Variants in PTTG1IP2 observed in about 807,000 individuals in gnomAD.
PTTG1IP2 encodes PTTG1IP family member 2.
chr7:90,504,493 T>C (rs1393623747), intron 6 of PTTG1IP2, among the ~76,000 whole-genome samples: 1 of 152,192 alleles, frequency 6.6e-6, no homozygotes, highest in Non-Finnish European at 1.5e-5. Flanking sequence ...TTATAATCCC[T>C]GTCACAACTA....
intron 6 of PTTG1IP2, among the ~76,000 whole-genome samples, chr7:90,511,047 A>T (rs1798184217): frequency 6.6e-6 from 1 of 151,890 alleles, no homozygotes; most frequent in Non-Finnish European, 1.5e-5. Context: ...TCTCTGTGAC[A>T]ATACAAGCCC....
chr7:90,481,500 C>T (rs1797814838), intron 2 of PTTG1IP2, among the ~76,000 whole-genome samples: 1 of 152,112 alleles, frequency 6.6e-6, no homozygotes, highest in Non-Finnish European at 1.5e-5. Context: ...TAAAATTTCC[C>T]ACAGCAGCAA....
At chr7:90,491,483 C>T (rs540808342) in intron 4 of PTTG1IP2, among the ~76,000 whole-genome samples, 3 of 151,706 alleles carry the variant, frequency 2.0e-5, no homozygotes, top group South Asian at 2.1e-4. Flanking sequence ...CTTAGCTGGG[C>T]GTGGTGGCAC....
intron 6 of PTTG1IP2, among the ~76,000 whole-genome samples, chr7:90,511,074 G>A (rs1456085052): frequency 7.0e-6 from 1 of 142,564 alleles, no homozygotes; most frequent in East Asian, 2.2e-4. Flanking sequence ...GGCAAGGACA[G>A]TATTTTTTTT....
At chr7:90,508,164 G>T (rs1173028491) in intron 6 of PTTG1IP2, among the ~76,000 whole-genome samples, 1 of 151,694 alleles carries the variant, frequency 6.6e-6, no homozygotes, top group Non-Finnish European at 1.5e-5. Context: ...TGACTTGGGG[G>T]GCTGAGGTGC....
intron 2 of PTTG1IP2, among the ~76,000 whole-genome samples, chr7:90,483,240 C>T (rs1358565708): frequency 6.6e-6 from 1 of 152,150 alleles, no homozygotes; most frequent in Non-Finnish European, 1.5e-5. Context: ...GCATGATCCT[C>T]CTTTCAGGGT....
At chr7:90,510,485 A>G (rs1055345654) in intron 6 of PTTG1IP2, among the ~76,000 whole-genome samples, 3 of 152,262 alleles carry the variant, frequency 2.0e-5, no homozygotes, top group Middle Eastern at 3.4e-3. Context: ...GCCCTTTCCT[A>G]ATACGAGCTT....
At chr7:90,510,571 T>C (rs1221597611) in intron 6 of PTTG1IP2, among the ~76,000 whole-genome samples, 3 of 152,212 alleles carry the variant, frequency 2.0e-5, no homozygotes, top group East Asian at 1.9e-4. Context: ...CTTTAGTTGT[T>C]TGGGACTTTG....
Position 90,479,207 on chromosome 7 carries a change from CTT to C in PTTG1IP2, c.146-20_146-19del, listed in dbSNP as rs1797786447. 1 of 152,372 alleles carries C rather than the reference CTT, an allele frequency of 6.6e-6. No homozygotes were observed. The highest frequency in any genetic ancestry group is 1.5e-5 in the Non-Finnish European group (1 of 67,988). 9.4% of individuals were successfully genotyped at this position (152,372 alleles called of 1,614,324 possible). ...AAAAAGGATTTGGATTAATTTTGGA[CTT>C]AATTTTTTTTAATTGTAGAATGTGC... On this transcript the variant is annotated intron_variant, in intron 1 of 6. Transcript: ENST00000509356.
intron 1 of PTTG1IP2, among the ~76,000 whole-genome samples, chr7:90,477,027 G>A (rs919322607): frequency 2.0e-5 from 3 of 152,090 alleles, no homozygotes; most frequent in South Asian, 2.1e-4. Context: ...AGAGGATCAC[G>A]GATGGAACTT....
intron 6 of PTTG1IP2, among the ~76,000 whole-genome samples, chr7:90,494,785 G>A (rs984211663): frequency 6.6e-6 from 1 of 152,170 alleles, no homozygotes. Context: ...GGTAGGCCAA[G>A]GTGAGATCAC....
At chr7:90,502,734 A>C (rs1798073779) in intron 6 of PTTG1IP2, among the ~76,000 whole-genome samples, 1 of 152,208 alleles carries the variant, frequency 6.6e-6, no homozygotes, top group South Asian at 2.1e-4. Flanking sequence ...CAGTGGGCTT[A>C]ATATATTCAG....
intron 6 of PTTG1IP2, among the ~76,000 whole-genome samples, chr7:90,508,899 C>T (rs936088119): frequency 6.6e-6 from 1 of 152,178 alleles, no homozygotes; most frequent in Non-Finnish European, 1.5e-5. Flanking sequence ...CCGGGACCCT[C>T]AGCCTAGACA....
intron 1 of PTTG1IP2, chr7:90,470,216 C>G (rs772823579): frequency 6.6e-6 from 1 of 152,272 alleles, no homozygotes; most frequent in South Asian, 2.1e-4. Context: ...GACATATAAG[C>G]TTTTTGTTGT....
chr7:90,478,121 AAG>A (rs953738898), intron 1 of PTTG1IP2, among the ~76,000 whole-genome samples: 8 of 151,810 alleles, frequency 5.3e-5, no homozygotes, highest in Non-Finnish European at 2.9e-5. Flanking sequence ...AAAAAAGAAA[AAG>A]AAAAAATTGG....
At chr7:90,473,348 C>T (rs1187582061) in intron 1 of PTTG1IP2, among the ~76,000 whole-genome samples, 2 of 152,096 alleles carry the variant, frequency 1.3e-5, no homozygotes, top group African/African-American at 2.4e-5. Flanking sequence ...ACATGACACT[C>T]CCTAAGAAGG....
intron 2 of PTTG1IP2, among the ~76,000 whole-genome samples, chr7:90,483,100 C>T (rs1320086328): frequency 1.3e-5 from 2 of 152,022 alleles, no homozygotes; most frequent in Admixed American, 6.6e-5. Flanking sequence ...GTGATGGATC[C>T]GAATCTGGAT....
rs1491565834 is a variant in PTTG1IP2 at position 90,497,713 on chromosome 7, T to TAAAAAAAAAAAAAAAAAAAAA, written c.*50+3284_*50+3285insAAAAAAAAAAAAAAAAAAAAA. Among the ~76,000 whole-genome samples, 16 of 49,600 alleles carry TAAAAAAAAAAAAAAAAAAAAA rather than the reference T, an allele frequency of 3.2e-4. 6 individuals are homozygous for TAAAAAAAAAAAAAAAAAAAAA. The highest frequency in any genetic ancestry group is 1.8e-3 in the Admixed American group (6 of 3,248). 32.5% of individuals were successfully genotyped at this position (49,600 alleles called of 152,430 possible). A position where few individuals can be genotyped will look rare whatever the true frequency, so the allele number is the denominator to read the frequency against. On this transcript the variant is annotated intron_variant, in intron 6 of 6. Transcript: ENST00000509356. ...GCCTGAGCGACAGAGAAAGACCCTG[T>TAAAAAAAAAAAAAAAAAAAAA]ATAAAAAAAAAAAAAAAAAAAAAAA... is the stretch of plus-strand genomic sequence containing the variant.
At chr7:90,481,683 A>G (rs1305563947) in intron 2 of PTTG1IP2, among the ~76,000 whole-genome samples, 10 of 151,994 alleles carry the variant, frequency 6.6e-5, no homozygotes, top group Admixed American at 1.3e-4. Flanking sequence ...CACTTCCCCT[A>G]TATTTCTCTT....
Sources: allele counts gnomAD v4.1 joint callset (sites outside exome capture counted in the v4.1 genomes callset), GRCh38; gene constraint gnomAD v4.1.1; transcripts MANE v1.5; gene names NCBI Gene and HGNC (gene_info 2026-07-23, HGNC 2026-07-21).